The following PLEKHM3 variants were observed in gnomAD, a reference collection of about 807,000 sequenced individuals.
PLEKHM3 encodes the protein pleckstrin homology domain-containing family M member 3.
Under a neutral mutation model 81.8 loss-of-function variants are expected in PLEKHM3, and 45 were observed. That is an observed-to-expected ratio of 0.55 (90% confidence interval 0.43 to 0.71). PLEKHM3 has a LOEUF of 0.71. Ranked by LOEUF, PLEKHM3 falls within the 30% of genes least tolerant of loss-of-function variation. The pLI is 0.00. For missense variants in PLEKHM3, 788 were observed against 924.3 expected (o/e 0.85, Z 1.91); for synonymous variants, 352 against 356.4 (o/e 0.99, Z 0.14).
At chr2:208,000,808 T>A (rs1248011037) in intron 2 of PLEKHM3, among the ~76,000 whole-genome samples, 1 of 151,978 alleles carries the variant, frequency 6.6e-6, no homozygotes, top group Non-Finnish European at 1.5e-5. Context: ...AGGAAGATAA[T>A]AAGACTGTAA....
intron 3 of PLEKHM3, among the ~76,000 whole-genome samples, chr2:207,962,139 A>C (rs1162395373): frequency 6.6e-6 from 1 of 152,232 alleles, no homozygotes; most frequent in Non-Finnish European, 1.5e-5. Context: ...AAATAGCCTC[A>C]GAATGGGGGG....
chr2:207,867,676 C>T (rs1474600711), intron 6 of PLEKHM3, among the ~76,000 whole-genome samples: 2 of 152,044 alleles, frequency 1.3e-5, no homozygotes, highest in Non-Finnish European at 2.9e-5. Context: ...ATATATAATA[C>T]ATACATAAAT....
At chr2:207,987,865 G>A (rs937706703) in intron 2 of PLEKHM3, among the ~76,000 whole-genome samples, 3 of 151,940 alleles carry the variant, frequency 2.0e-5, no homozygotes, top group African/African-American at 7.3e-5. Context: ...TGTTTCACTG[G>A]ACTCCTAGCT....
At position 207,832,778 on chromosome 2, in the gene PLEKHM3, C is replaced by T. The variant is rs147169455; in HGVS notation, c.2109-4282G>A. 7.1e-3 allele frequency among the ~76,000 whole-genome samples: 1,035 copies of T among 146,272 alleles called. 17 individuals are homozygous for T. The highest frequency in any genetic ancestry group is 0.025 in the African/African-American group (981 of 39,382). On this transcript the variant is annotated intron_variant, in intron 7 of 7. Coordinates refer to ENST00000427836, the MANE Select transcript of PLEKHM3 (RefSeq NM_001080475.3). ...ACTGCACTCCAGCCTGGCAACAGAG[C>T]GAGACTCCCTCCCCCTGCACCTCCC...
chr2:207,976,123 G>C lies in PLEKHM3; in HGVS notation c.1546+528C>G, dbSNP rs138103755. On this transcript the variant is annotated intron_variant, in intron 3 of 7. Coordinates refer to ENST00000427836, the MANE Select transcript of PLEKHM3 (RefSeq NM_001080475.3). This position sits in a 1 kb window ranked among gnomAD's most constrained non-coding sequence, Gnocchi z 4.1. ...CATCTGCTGAATCATCATTTACTCCGCTTTTAGCCACCCCCACATTTTCTG... is the reference window on the plus strand; with the variant it reads ...CATCTGCTGAATCATCATTTACTCCCCTTTTAGCCACCCCCACATTTTCTG... 6.6e-6 allele frequency among the ~76,000 whole-genome samples: 1 copy of C among 152,076 alleles called. No homozygotes were observed. Among genetic ancestry groups the C allele is most frequent in the Non-Finnish European group, 1.5e-5 (1 of 68,024 alleles).
chr2:207,924,648 G>C (rs146312664), intron 5 of PLEKHM3, among the ~76,000 whole-genome samples: 1 of 152,110 alleles, frequency 6.6e-6, no homozygotes, highest in Non-Finnish European at 1.5e-5. Flanking sequence ...TCGCGCCACT[G>C]CACTCCAACC....
chr2:207,967,098 C>T (rs954334014), intron 3 of PLEKHM3, among the ~76,000 whole-genome samples: 21 of 152,132 alleles, frequency 1.4e-4, no homozygotes, highest in Admixed American at 1.3e-3. Flanking sequence ...ATCCTTTTAC[C>T]TCAGTCTCCT....
At chr2:207,953,023 G>C (rs1251971262) in intron 3 of PLEKHM3, among the ~76,000 whole-genome samples, 10 of 152,192 alleles carry the variant, frequency 6.6e-5, no homozygotes, top group Non-Finnish European at 2.9e-5. Flanking sequence ...TTTGGATGGA[G>C]AATCAGGCAC....
intron 6 of PLEKHM3, among the ~76,000 whole-genome samples, chr2:207,876,407 G>A (rs536084768): frequency 2.6e-5 from 4 of 152,086 alleles, no homozygotes; most frequent in African/African-American, 9.6e-5. Flanking sequence ...GGTTTTAGAT[G>A]ACCTGTGTTT....
intron 6 of PLEKHM3, among the ~76,000 whole-genome samples, chr2:207,906,541 C>A (rs58058809): frequency 3.9e-5 from 6 of 152,190 alleles, no homozygotes; most frequent in Non-Finnish European, 7.3e-5. Context: ...GTAATCCCAG[C>A]TCTTTGGGAG....
chr2:207,883,908 A>T (rs1196487891), intron 6 of PLEKHM3, among the ~76,000 whole-genome samples: 1 of 152,182 alleles, frequency 6.6e-6, no homozygotes, highest in East Asian at 1.9e-4. Flanking sequence ...AAATCAAACA[A>T]TGTAACAGAC....
chr2:208,009,066 G>C (rs984941532), intron 1 of PLEKHM3, among the ~76,000 whole-genome samples: 35 of 152,096 alleles, frequency 2.3e-4, no homozygotes, highest in Admixed American at 9.2e-4. Flanking sequence ...GCCTACTATG[G>C]GGGGGACACT....
At chr2:207,957,551 A>G (rs547733902) in intron 3 of PLEKHM3, among the ~76,000 whole-genome samples, 1 of 152,176 alleles carries the variant, frequency 6.6e-6, no homozygotes, top group Admixed American at 6.5e-5. Flanking sequence ...ACTAAAAATT[A>G]GTTGGGTGTG....
chr2:207,923,970 G>A (rs1400279601), intron 5 of PLEKHM3, among the ~76,000 whole-genome samples: 9 of 138,550 alleles, frequency 6.5e-5, no homozygotes, highest in Non-Finnish European at 1.1e-4. Flanking sequence ...GTGCAGTGGC[G>A]CAATCTGAGC....
intron 2 of PLEKHM3, among the ~76,000 whole-genome samples, chr2:207,982,409 A>G (rs1463232952): frequency 6.6e-6 from 1 of 151,920 alleles, no homozygotes; most frequent in African/African-American, 2.4e-5. Flanking sequence ...GGCTGGGACT[A>G]CAGGTATGCA....
At chr2:207,913,723 A>AC (rs1559234026) in intron 5 of PLEKHM3, among the ~76,000 whole-genome samples, 1 of 149,806 alleles carries the variant, frequency 6.7e-6, no homozygotes, top group Non-Finnish European at 1.5e-5. Context: ...CTAAGAAAGG[A>AC]TTTTTTTTTT....
intron 7 of PLEKHM3, among the ~76,000 whole-genome samples, chr2:207,848,187 C>T (rs1342990560): frequency 6.6e-6 from 1 of 152,224 alleles, no homozygotes; most frequent in Non-Finnish European, 1.5e-5. Context: ...CAGTGCTTCT[C>T]TCCCCTTCTC....
intron 1 of PLEKHM3, among the ~76,000 whole-genome samples, chr2:208,010,070 T>C (rs1258938378): frequency 6.6e-6 from 1 of 152,248 alleles, no homozygotes; most frequent in African/African-American, 2.4e-5. Flanking sequence ...CACTACACTA[T>C]CAGCAACTTG....
chr2:207,858,638 G>T lies in PLEKHM3; in HGVS notation c.2108+2467C>A, dbSNP rs114917117. ...TGGGATTACAGGAATTTGCCACCAC[G>T]TCCAGCTAATTTTTATATTTTTAGT... On this transcript the variant is annotated intron_variant, in intron 7 of 7. Coordinates refer to ENST00000427836, the MANE Select transcript of PLEKHM3 (RefSeq NM_001080475.3). 1.3e-3 allele frequency among the ~76,000 whole-genome samples: 199 copies of T among 151,956 alleles called. 1 individual carries two copies. Among genetic ancestry groups the T allele is most frequent in the Middle Eastern group, 3.4e-3 (1 of 294 alleles).
Sources: allele counts gnomAD v4.1 joint callset (sites outside exome capture counted in the v4.1 genomes callset), GRCh38; gene constraint gnomAD v4.1.1; non-coding constraint Gnocchi (gnomAD v3.1); transcripts MANE v1.5; gene names NCBI Gene and HGNC (gene_info 2026-07-23, HGNC 2026-07-21).